IRAK1BP1: variants seen among roughly 807,000 people sequenced by gnomAD.
IRAK1BP1 encodes the protein interleukin-1 receptor-associated kinase 1-binding protein 1.
In IRAK1BP1, 24 loss-of-function variants were observed where a neutral mutation model predicts 28.0. The observed-to-expected ratio is 0.86, with a 90% CI of 0.62 to 1.20. The LOEUF is 1.20. Among genes scored for constraint, IRAK1BP1 ranks in the 50% most tolerant of loss-of-function variants. The probability of loss-of-function intolerance (pLI) is 0.00; values close to 1 mark genes in which losing one functional copy is unlikely to be tolerated. For synonymous variants in IRAK1BP1, 131 were observed against 116.3 expected (o/e 1.13, Z -0.81); for missense variants, 336 against 316.7 (o/e 1.06, Z -0.46).
At chr6:78,950,705 T>C (rs1334441088), downstream of IRAK1BP1, among the ~76,000 whole-genome samples, 2 of 152,208 alleles carry the variant, frequency 1.3e-5, no homozygotes, top group Non-Finnish European at 2.9e-5. Flanking sequence ...ATATCATCTC[T>C]GATATTAACA....
intron 4 of IRAK1BP1, among the ~76,000 whole-genome samples, chr6:78,931,834 A>G (rs1368497739): frequency 6.6e-6 from 1 of 152,138 alleles, no homozygotes; most frequent in Non-Finnish European, 1.5e-5. Flanking sequence ...TCTTAAGATA[A>G]CACTGAAGTA....
chr6:78,912,284 T>G (rs1394521419), intron 4 of IRAK1BP1, among the ~76,000 whole-genome samples: 1 of 152,160 alleles, frequency 6.6e-6, no homozygotes, highest in African/African-American at 2.4e-5. Context: ...CAAGAGTAGG[T>G]TCTGCTGACA....
chr6:78,909,533 A>G (rs1412158770), intron 4 of IRAK1BP1, among the ~76,000 whole-genome samples: 3 of 152,230 alleles, frequency 2.0e-5, no homozygotes, highest in Admixed American at 6.5e-5. Context: ...TTCCAAGCCG[A>G]AAAGCTGGGC....
At chr6:78,907,731 T>A (rs905262521), downstream of IRAK1BP1, among the ~76,000 whole-genome samples, 33 of 152,218 alleles carry the variant, frequency 2.2e-4, no homozygotes, top group African/African-American at 6.0e-4. Context: ...TATTATTATT[T>A]TTTTTTGAGA....
intron 1 of IRAK1BP1, among the ~76,000 whole-genome samples, chr6:78,884,567 G>A (rs915557939): frequency 6.6e-6 from 1 of 152,008 alleles, no homozygotes; most frequent in Non-Finnish European, 1.5e-5. Context: ...TAGTGGTATA[G>A]CATCCACTTT....
the IRAK1BP1 span, among the ~76,000 whole-genome samples, chr6:78,969,353 C>T: frequency 8.5e-5 from 13 of 152,234 alleles, no homozygotes; most frequent in African/African-American, 3.1e-4. Context: ...TCATAAGTGG[C>T]ACATCATCTA....
chr6:78,967,862 C>T, the IRAK1BP1 span, among the ~76,000 whole-genome samples: 2 of 152,050 alleles, frequency 1.3e-5, no homozygotes, highest in Admixed American at 6.6e-5. Context: ...CGGCCGGGCG[C>T]GGTGGCTCAT....
intron 2 of IRAK1BP1, among the ~76,000 whole-genome samples, chr6:78,886,070 G>A (rs982257340): frequency 2.0e-5 from 3 of 152,094 alleles, no homozygotes; most frequent in African/African-American, 4.8e-5. Flanking sequence ...TGCCTAGTAC[G>A]TGCCACCTCC....
chr6:78,960,708 CAT>C, the IRAK1BP1 span, among the ~76,000 whole-genome samples: 3 of 152,066 alleles, frequency 2.0e-5, no homozygotes, highest in African/African-American at 4.8e-5. Flanking sequence ...CCCCAGAAGA[CAT>C]GTGACAATGT....
intron 4 of IRAK1BP1, chr6:78,945,210 C>T: frequency 2.0e-6 from 2 of 981,458 alleles, no homozygotes; most frequent in Admixed American, 3.9e-5. Context: ...AGTGGGCAAC[C>T]TGAAAAGTGG....
chr6:78,939,652 TG>T (rs1287799541), intron 4 of IRAK1BP1: 1 of 151,946 alleles, frequency 6.6e-6, no homozygotes, highest in Non-Finnish European at 1.5e-5. Flanking sequence ...CACGTTTCTT[TG>T]TAAGTCATTT....
At chr6:78,954,467 T>TCTC in the IRAK1BP1 span, among the ~76,000 whole-genome samples, 2 of 152,186 alleles carry the variant, frequency 1.3e-5, no homozygotes, top group Non-Finnish European at 2.9e-5. Context: ...GTAGGCATTA[T>TCTC]TCTTTTTTTC....
At chr6:78,890,928 A>G (rs1434366676) in intron 2 of IRAK1BP1, among the ~76,000 whole-genome samples, 1 of 152,132 alleles carries the variant, frequency 6.6e-6, no homozygotes, top group Admixed American at 6.5e-5. Flanking sequence ...TCCTGCATAC[A>G]AGGTCTCAAA....
chr6:78,897,993 T>C, intron 3 of IRAK1BP1, 34 bp downstream of exon 3: 3 of 1,610,744 alleles, frequency 1.9e-6, no homozygotes, highest in Non-Finnish European at 2.5e-6. Flanking sequence ...TAAGATATTC[T>C]TTAAACAAAA....
the IRAK1BP1 span, among the ~76,000 whole-genome samples, chr6:78,967,727 C>T: frequency 6.6e-6 from 1 of 152,220 alleles, no homozygotes; most frequent in African/African-American, 2.4e-5. Context: ...TGTGATTTGT[C>T]CAATGTTAGC....
chr6:78,961,306 A>G, the IRAK1BP1 span, among the ~76,000 whole-genome samples: 1 of 151,928 alleles, frequency 6.6e-6, no homozygotes, highest in African/African-American at 2.4e-5. Context: ...TTTTTATTAT[A>G]TATTATATTA....
At position 78,898,645 on chromosome 6, in the gene IRAK1BP1, A is replaced by G. The variant is rs1771992774; in HGVS notation, c.*311A>G. ...ATTTCTATTATAAGGACAGATATTG[A>G]CCCTTGCATTTCATAATTTTTAAAG... is the stretch of plus-strand genomic sequence containing the variant. On this transcript the variant is annotated 3_prime_UTR_variant, in exon 4 of 4. Coordinates refer to ENST00000369940, the MANE Select transcript of IRAK1BP1 (RefSeq NM_001010844.4). The G allele has an allele frequency of 6.6e-6, 1 of 151,556 alleles. No individual in the cohort carries two copies. Among genetic ancestry groups the G allele is most frequent in the Admixed American group, 6.6e-5 (1 of 15,204 alleles). The allele number at this position is 151,556 out of a possible 1,614,324, so 9.4% of individuals were successfully genotyped here. A position where few individuals can be genotyped will look rare whatever the true frequency, so the allele number is the denominator to read the frequency against.
exon 5 of IRAK1BP1, chr6:78,946,347 G>T (rs1437851216): frequency 2.1e-6 from 3 of 1,430,532 alleles, no homozygotes; most frequent in African/African-American, 2.9e-5. Flanking sequence ...TTCAATATTT[G>T]TACTATTATG....
chr6:78,955,820 T>C, the IRAK1BP1 span: 1 of 463,920 alleles, frequency 2.2e-6, no homozygotes, highest in Non-Finnish European at 3.9e-6. Context: ...CTTACTCCAA[T>C]AATTTATGCA....
Sources: gnomAD v4.1 joint callset for allele counts (sites outside exome capture counted in the v4.1 genomes callset) on GRCh38, gnomAD v4.1.1 for gene constraint, MANE v1.5 for transcripts, NCBI Gene and HGNC (gene_info 2026-07-23, HGNC 2026-07-21) for gene names.